Variants in TRPC6 observed in about 807,000 individuals in gnomAD.
The protein encoded by TRPC6 is short transient receptor potential channel 6.
Under a neutral mutation model 90.7 loss-of-function variants are expected in TRPC6, and 55 were observed. The observed-to-expected ratio is 0.61, with a 90% CI of 0.49 to 0.76. The LOEUF (loss-of-function observed/expected upper bound fraction) is 0.76. TRPC6 is among the 30% of genes least tolerant of loss of function. The probability of loss-of-function intolerance (pLI) is 0.00; values close to 1 mark genes in which losing one functional copy is unlikely to be tolerated. For synonymous variants in TRPC6, 393 were observed against 393.0 expected (o/e 1.00, Z 0.00); for missense variants, 989 against 1,122.7 (o/e 0.88, Z 1.70).
intron 2 of TRPC6, among the ~76,000 whole-genome samples, chr11:101,497,413 G>T (rs1859974563): frequency 6.6e-6 from 1 of 152,210 alleles, no homozygotes; most frequent in Non-Finnish European, 1.5e-5. Flanking sequence ...ACTTTTCAAA[G>T]CAGCCATTTT....
intron 5 of TRPC6, among the ~76,000 whole-genome samples, chr11:101,482,398 C>T (rs1393851097): frequency 6.6e-6 from 1 of 152,186 alleles, no homozygotes; most frequent in Non-Finnish European, 1.5e-5. Flanking sequence ...TTCTCTTCCA[C>T]TTACCACCCA....
rs758829473 is a variant in TRPC6 at position 101,525,635 on chromosome 11, G to A, written c.171-20837C>T. On this transcript the variant is annotated intron_variant, in intron 1 of 12. Coordinates refer to ENST00000344327, the MANE Select transcript of TRPC6 (RefSeq NM_004621.6). ...CAGAAGTTAAGAGAGAACGTAACACGTTTTTGGAACTCAAAGTATTTTGAT... is the reference window on the plus strand; with the variant it reads ...CAGAAGTTAAGAGAGAACGTAACACATTTTTGGAACTCAAAGTATTTTGAT... Among the ~76,000 whole-genome samples, 7 of 152,158 alleles carry A rather than the reference G, an allele frequency of 4.6e-5. No homozygotes were observed. The East Asian group carries it at 9.6e-4, about 21-fold the overall frequency.
At chr11:101,486,266 G>A (rs1352810284) in intron 4 of TRPC6, among the ~76,000 whole-genome samples, 1 of 152,044 alleles carries the variant, frequency 6.6e-6, no homozygotes, top group Non-Finnish European at 1.5e-5. Context: ...ATTGAAGGGA[G>A]TTATCCTTTT....
At chr11:101,547,737 T>C (rs1364730804) in intron 1 of TRPC6, among the ~76,000 whole-genome samples, 1 of 152,148 alleles carries the variant, frequency 6.6e-6, no homozygotes, top group Admixed American at 6.5e-5. Context: ...TGCCTGAAGG[T>C]CCAGCATACA....
intron 2 of TRPC6, among the ~76,000 whole-genome samples, chr11:101,500,940 T>C (rs1860105385): frequency 6.6e-6 from 1 of 152,208 alleles, no homozygotes; most frequent in African/African-American, 2.4e-5. Context: ...GTTCTATTCT[T>C]AAATGGCAAT....
chr11:101,471,475 A>G (rs1859291154), intron 8 of TRPC6, 89 bp from the exon 9 acceptor site: 4 of 1,378,934 alleles, frequency 2.9e-6, no homozygotes, highest in Admixed American at 1.7e-5. Flanking sequence ...GATGGAGGAC[A>G]ATGCCTATAA....
At chr11:101,571,205 A>T (rs1456767788) in intron 1 of TRPC6, among the ~76,000 whole-genome samples, 1 of 152,200 alleles carries the variant, frequency 6.6e-6, no homozygotes, top group Non-Finnish European at 1.5e-5. Context: ...CAAAAATCAC[A>T]AGCATTCCTA....
In TRPC6 at chr11:101,451,853, A is replaced by C. The variant is rs201507457; in HGVS notation, c.*1102T>G. 2 of 152,200 alleles carry C rather than the reference A, an allele frequency of 1.3e-5. No homozygotes were observed. The highest frequency in any genetic ancestry group is 2.9e-5 in the Non-Finnish European group (2 of 68,032). 9.4% of individuals were successfully genotyped at this position (152,200 alleles called of 1,614,324 possible). A position where few individuals can be genotyped will look rare whatever the true frequency, so the allele number is the denominator to read the frequency against. On this transcript the variant is annotated 3_prime_UTR_variant, in exon 13 of 13. Transcript: ENST00000344327. ...ATGCCAATGGTCTTTGAGTAAACATATGAACCTTCATCGCTTTTAGTTGTT... is the reference window on the plus strand; with the variant it reads ...ATGCCAATGGTCTTTGAGTAAACATCTGAACCTTCATCGCTTTTAGTTGTT...
At chr11:101,565,953 G>A (rs1211742882) in intron 1 of TRPC6, among the ~76,000 whole-genome samples, 1 of 152,022 alleles carries the variant, frequency 6.6e-6, no homozygotes, top group East Asian at 1.9e-4. Context: ...TTTAGACAAG[G>A]ACTTACTAAT....
chr11:101,507,386 C>T lies in TRPC6; in HGVS notation c.171-2588G>A, dbSNP rs554503535. Among the ~76,000 whole-genome samples the T allele has an allele frequency of 3.2e-4, 48 of 151,488 alleles. 1 individual carries two copies. Among genetic ancestry groups the T allele is most frequent in the African/African-American group, 1.1e-3 (44 of 41,288 alleles). On this transcript the variant is annotated intron_variant, in intron 1 of 12. Transcript: ENST00000344327. ...CAGCAGTTGCTGTCTAGACTTGATG[C>T]ATGTATGTTCTCTTTGAATCTTCCT...
chr11:101,534,003 T>C (rs908745714), intron 1 of TRPC6, among the ~76,000 whole-genome samples: 1 of 152,176 alleles, frequency 6.6e-6, no homozygotes, highest in African/African-American at 2.4e-5. Flanking sequence ...GAAGCTCCCA[T>C]TCCATCTAGC....
At chr11:101,550,637 GAATAAC>G (rs1202739794) in intron 1 of TRPC6, among the ~76,000 whole-genome samples, 1 of 151,680 alleles carries the variant, frequency 6.6e-6, no homozygotes, top group African/African-American at 2.4e-5. Flanking sequence ...AAGGGCAATT[GAATAAC>G]AATATTATTC....
chr11:101,504,672 C>T lies in TRPC6; in HGVS notation c.297G>A (p.Glu99=), dbSNP rs371593994. The T allele has an allele frequency of 2.5e-6, 4 of 1,603,188 alleles. No homozygotes were observed. Among genetic ancestry groups the T allele is most frequent in the African/African-American group, 2.7e-5 (2 of 74,602 alleles). The part of the protein sequence containing the change: ...SDRSTSLSIE[E]ERFLDAAEYG... Reference sequence around the variant, plus strand: ...ATTCAGCTGCATCCAAAAAGCGTTCCTCCTCTATAGATAGGCTTGTGGAGC... The same window carrying T: ...ATTCAGCTGCATCCAAAAAGCGTTCTTCCTCTATAGATAGGCTTGTGGAGC... The change falls in exon 2 of 13, where the codon GAG becomes GAA. Residue 99 remains glutamate (E), a synonymous_variant. Transcript: ENST00000344327.
intron 2 of TRPC6, among the ~76,000 whole-genome samples, chr11:101,498,533 A>C (rs1274575845): frequency 6.6e-6 from 1 of 152,042 alleles, no homozygotes; most frequent in Admixed American, 6.6e-5. Flanking sequence ...GCACAGGATA[A>C]AACTGCCTCA....
At chr11:101,488,841 T>A in intron 4 of TRPC6, 96 bp downstream of exon 4, 2 of 1,389,722 alleles carry the variant, frequency 1.4e-6, no homozygotes, top group East Asian at 4.6e-5. Context: ...GAAACCCAAC[T>A]GTGATTCCCT....
chr11:101,525,904 C>G (rs141604915), intron 1 of TRPC6, among the ~76,000 whole-genome samples: 31 of 152,190 alleles, frequency 2.0e-4, no homozygotes, highest in African/African-American at 6.3e-4. Flanking sequence ...GCATCGCCAG[C>G]AGGAACTAAG....
Position 101,583,453 on chromosome 11 carries a change from G to T in TRPC6, c.51C>A (p.Gly17=). 1 of 1,535,594 alleles carries T rather than the reference G, an allele frequency of 6.5e-7. No homozygotes were observed. Residue 17 remains glycine (G), a synonymous_variant, in exon 1 of 13, where the codon GGC becomes GGA. Coordinates refer to ENST00000344327, the MANE Select transcript of TRPC6 (RefSeq NM_004621.6). ...TGCGCCGCGCAGCGGCTCCGGCAGC[G>T]CCCCGGGGAGAACTGCCCCTCCGGG... is the stretch of plus-strand genomic sequence containing the variant. ...FGPRRGSSPR[G]AAGAAARRNE...
In TRPC6 at chr11:101,469,501, T is replaced by A; in HGVS notation, c.2410A>T (p.Ile804Leu). The stretch of plus-strand genomic sequence containing the variant: ...ATTCCAAGTTTCTTTTCTTCATTTA[T>A]CTTTTAAAGATAGATAGTAAAATGA... ...GFQEDAEMNK[I>L]NEEKKLGILG... Residue 804 changes from isoleucine (I) to leucine (L), a missense_variant and splice_region_variant, in exon 10 of 13, where the codon ATA becomes TTA. Ile to Leu is a conservative substitution (Grantham distance 5, BLOSUM62 2). Transcript: ENST00000344327. 1.3e-6 allele frequency: 1 copy of A among 759,050 alleles called. No individual in the cohort carries two copies. The highest frequency in any genetic ancestry group is 2.5e-6 in the Non-Finnish European group (1 of 405,910). 47.0% of individuals were successfully genotyped at this position (759,050 alleles called of 1,614,324 possible).
At chr11:101,562,959 C>T (rs1861746601) in intron 1 of TRPC6, among the ~76,000 whole-genome samples, 2 of 152,150 alleles carry the variant, frequency 1.3e-5, no homozygotes, top group African/African-American at 2.4e-5. Context: ...TCATGCCTGG[C>T]AGATAGTATG....
Sources: allele counts gnomAD v4.1 joint callset (sites outside exome capture counted in the v4.1 genomes callset), GRCh38; gene constraint gnomAD v4.1.1; transcripts MANE v1.5; gene names NCBI Gene and HGNC (gene_info 2026-07-23, HGNC 2026-07-21).